The following ZFYVE9 variants were observed in gnomAD, a reference collection of about 807,000 sequenced individuals.
The protein encoded by ZFYVE9 is zinc finger FYVE-type containing 9, also known as zinc finger FYVE domain-containing protein 9.
A neutral mutation model predicts 126.7 loss-of-function variants in ZFYVE9; 43 were observed. The observed-to-expected ratio is 0.34, with a 90% CI of 0.27 to 0.44. The LOEUF (loss-of-function observed/expected upper bound fraction) is 0.44, where lower values mean the gene tolerates loss of function less well. Among genes scored for constraint, ZFYVE9 ranks in the 20% least tolerant of loss-of-function variants. ZFYVE9 has a pLI of 1.00. For missense variants in ZFYVE9, 1,476 were observed against 1,697.0 expected (o/e 0.87, Z 2.29); for synonymous variants, 521 against 597.4 (o/e 0.87, Z 1.87).
chr1:52,157,081 C>T (rs1644409819), intron 1 of ZFYVE9, among the ~76,000 whole-genome samples: 1 of 152,174 alleles, frequency 6.6e-6, no homozygotes, highest in African/African-American at 2.4e-5. Context: ...ATCCGCCTGC[C>T]TCGGCCTCCG....
At chr1:52,198,110 G>GTT (rs1329262004) in intron 1 of ZFYVE9, among the ~76,000 whole-genome samples, 413 of 39,812 alleles carry the variant, frequency 0.01, 21 homozygotes, top group Middle Eastern at 0.02. Flanking sequence ...ATATTGTAGT[G>GTT]TTTTTTTTTG....
intron 4 of ZFYVE9, among the ~76,000 whole-genome samples, chr1:52,259,609 G>A (rs1437811325): frequency 1.4e-5 from 2 of 145,188 alleles, no homozygotes; most frequent in African/African-American, 2.6e-5. Context: ...CCAACATGGC[G>A]AAACCCTGTC....
chr1:52,216,056 A>G (rs1471916621), intron 1 of ZFYVE9, among the ~76,000 whole-genome samples: 1 of 152,248 alleles, frequency 6.6e-6, no homozygotes, highest in African/African-American at 2.4e-5. Context: ...CAAATTATAT[A>G]CTTATGAATT....
chr1:52,246,831 C>G (rs1259195090), intron 4 of ZFYVE9, among the ~76,000 whole-genome samples: 1 of 151,766 alleles, frequency 6.6e-6, no homozygotes, highest in Non-Finnish European at 1.5e-5. Flanking sequence ...CCTCAGCCTC[C>G]TAAGTAGCAG....
At chr1:52,288,925 CAAAAAAAAAAAA>C (rs775138803) in intron 10 of ZFYVE9, among the ~76,000 whole-genome samples, 1 of 62,058 alleles carries the variant, frequency 1.6e-5, no homozygotes, top group Non-Finnish European at 3.5e-5. Flanking sequence ...GACTCTGTCT[CAAAAAAAAAAAA>C]AAAAAAAAAG....
At chr1:52,311,723 T>A (rs1178328943) in intron 13 of ZFYVE9, among the ~76,000 whole-genome samples, 1 of 152,232 alleles carries the variant, frequency 6.6e-6, no homozygotes, top group African/African-American at 2.4e-5. Flanking sequence ...ACATAAATTG[T>A]ATGCTATTGT....
chr1:52,253,394 A>T (rs1399677479), intron 4 of ZFYVE9, among the ~76,000 whole-genome samples: 1 of 152,192 alleles, frequency 6.6e-6, no homozygotes, highest in African/African-American at 2.4e-5. Context: ...AGATACTAAG[A>T]GGTAGAAATT....
At chr1:52,249,916 A>T (rs1468946145) in intron 4 of ZFYVE9, among the ~76,000 whole-genome samples, 2 of 152,244 alleles carry the variant, frequency 1.3e-5, no homozygotes, top group East Asian at 3.8e-4. Flanking sequence ...GTCAAAACTA[A>T]CTGGACCATA....
intron 13 of ZFYVE9, among the ~76,000 whole-genome samples, chr1:52,332,032 G>A (rs1290353136): frequency 6.6e-6 from 1 of 151,718 alleles, no homozygotes; most frequent in Non-Finnish European, 1.5e-5. Flanking sequence ...CGCCTGCCTC[G>A]GCCTCCCAAA....
Position 52,144,856 on chromosome 1 carries a change from A to G in ZFYVE9, c.-143+2453A>G, listed in dbSNP as rs1644293710. On this transcript the variant is annotated intron_variant, in intron 1 of 18. Coordinates refer to ENST00000287727, the MANE Select transcript of ZFYVE9 (RefSeq NM_004799.4). ...ATTGTCTGTAAAATGCATATACTTC[A>G]GTTATTATGCTTACCTTGCGAGGCT... 2.0e-5 allele frequency among the ~76,000 whole-genome samples: 3 copies of G among 152,204 alleles called. No individual in the cohort carries two copies. In the South Asian group the frequency reaches 6.2e-4, roughly 31 times the overall value.
intron 5 of ZFYVE9, 57 bp downstream of exon 5, chr1:52,263,929 A>T: frequency 8.4e-7 from 1 of 1,191,526 alleles, no homozygotes. Context: ...GGGAATTACG[A>T]TGAGAAGACT....
At chr1:52,293,812 G>T (rs1226069427) in intron 11 of ZFYVE9, 135 bp downstream of exon 11, 2 of 793,578 alleles carry the variant, frequency 2.5e-6, no homozygotes, top group Non-Finnish European at 4.0e-6. Flanking sequence ...GCCAGTGTCT[G>T]CGTGTATTGG....
intron 10 of ZFYVE9, among the ~76,000 whole-genome samples, chr1:52,287,807 T>C (rs1164660819): frequency 2.0e-5 from 3 of 152,038 alleles, no homozygotes; most frequent in Admixed American, 6.6e-5. Flanking sequence ...TTTGAGGCCG[T>C]AGTGAGCTAT....
rs1410532754 is a variant in ZFYVE9 at position 52,239,133 on chromosome 1, C to T, written c.1716C>T (p.Ile572=). Residue 572 remains isoleucine (I), a synonymous_variant, in exon 4 of 19, where the codon ATC becomes ATT. Coordinates refer to ENST00000287727, the MANE Select transcript of ZFYVE9 (RefSeq NM_004799.4). Reference sequence around the variant, plus strand: ...AGGTAGTAGCAAGCCTGCCATCTATCAGTGTTCCTTTTGGTGGTGCAAGAC... The same window carrying T: ...AGGTAGTAGCAAGCCTGCCATCTATTAGTGTTCCTTTTGGTGGTGCAAGAC... ...SPKVVASLPS[I]SVPFGGARPK... The T allele has an allele frequency of 6.2e-7, 1 of 1,614,096 alleles. No individual in the cohort carries two copies. Among genetic ancestry groups the T allele is most frequent in the Admixed American group, 1.7e-5 (1 of 59,992 alleles).
chr1:52,149,856 A>G (rs1397638334), intron 1 of ZFYVE9, among the ~76,000 whole-genome samples: 1 of 152,134 alleles, frequency 6.6e-6, no homozygotes, highest in Non-Finnish European at 1.5e-5. Context: ...GTTCCTTTGG[A>G]TGATATAGTT....
chr1:52,169,632 T>G (rs1475597785), intron 1 of ZFYVE9, among the ~76,000 whole-genome samples: 2 of 152,182 alleles, frequency 1.3e-5, no homozygotes, highest in African/African-American at 4.8e-5. Flanking sequence ...CACTGAGTGT[T>G]TAACTGACTT....
At chr1:52,329,245 C>T (rs954252578) in intron 13 of ZFYVE9, among the ~76,000 whole-genome samples, 10 of 152,230 alleles carry the variant, frequency 6.6e-5, no homozygotes, top group Admixed American at 3.9e-4. Context: ...AATAGCCCTT[C>T]GTGGATGTTC....
chr1:52,331,570 G>T (rs1472647849), intron 13 of ZFYVE9, among the ~76,000 whole-genome samples: 1 of 151,468 alleles, frequency 6.6e-6, no homozygotes. Context: ...GGCTAACACG[G>T]TGAAACCTTG....
chr1:52,293,357 C>T, intron 10 of ZFYVE9, 96 bp from the exon 11 acceptor site: 2 of 1,072,824 alleles, frequency 1.9e-6, no homozygotes, highest in East Asian at 2.9e-5. Flanking sequence ...CCAGCCTGGG[C>T]AACAGCCAGA....
Sources: allele counts gnomAD v4.1 joint callset (sites outside exome capture counted in the v4.1 genomes callset), GRCh38; gene constraint gnomAD v4.1.1; transcripts MANE v1.5; gene names NCBI Gene and HGNC (gene_info 2026-07-23, HGNC 2026-07-21).